Variants in ZNF717 observed in about 807,000 individuals in gnomAD.
The protein encoded by ZNF717 is zinc finger protein 717.
A neutral mutation model predicts 13.8 loss-of-function variants in ZNF717; 9 were observed. That is an observed-to-expected ratio of 0.65 (90% confidence interval 0.39 to 1.14). The LOEUF (loss-of-function observed/expected upper bound fraction) is 1.14. ZNF717 is among the 50% of genes most tolerant of loss of function. The probability of loss-of-function intolerance (pLI) is 0.01; values close to 1 mark genes in which losing one functional copy is unlikely to be tolerated. For missense variants in ZNF717, 1,040 were observed against 1,080.7 expected (o/e 0.96, Z 0.53); for synonymous variants, 327 against 364.1 (o/e 0.90, Z 1.16).
At chr3:75,764,832 A>C (rs80032447) in intron 2 of ZNF717, among the ~76,000 whole-genome samples, 1 of 150,176 alleles carries the variant, frequency 6.7e-6, no homozygotes, top group Non-Finnish European at 1.5e-5. Context: ...AAATAAAATG[A>C]CCATATGATC....
At chr3:75,705,199 G>C (rs1937780079), downstream of ZNF717, among the ~76,000 whole-genome samples, 2 of 152,286 alleles carry the variant, frequency 1.3e-5, no homozygotes, top group Non-Finnish European at 2.9e-5. Flanking sequence ...TGTCACAGCA[G>C]TGTGAAAATG....
intron 5 of ZNF717, among the ~76,000 whole-genome samples, chr3:75,713,312 G>A (rs1283975516): frequency 6.6e-6 from 1 of 151,842 alleles, no homozygotes; most frequent in East Asian, 2.0e-4. Context: ...CACCATGCCT[G>A]GCTAACTTCT....
chr3:75,784,905 A>C (rs930884853), intron 1 of ZNF717: 1 of 152,180 alleles, frequency 6.6e-6, no homozygotes, highest in Non-Finnish European at 1.5e-5. Context: ...CACGGTTAAG[A>C]CTGAAGTACC....
chr3:75,705,292 T>C (rs796500863), downstream of ZNF717, among the ~76,000 whole-genome samples: 14 of 152,296 alleles, frequency 9.2e-5, no homozygotes, highest in Admixed American at 6.5e-4. Context: ...TAATTTGTTT[T>C]ACAGAAGAGA....
chr3:75,716,194 T>G (rs1206683837), intron 5 of ZNF717, among the ~76,000 whole-genome samples: 1 of 151,170 alleles, frequency 6.6e-6, no homozygotes, highest in Non-Finnish European at 1.5e-5. Context: ...TTGGCCAGGA[T>G]GGTCTTGATC....
intron 5 of ZNF717, among the ~76,000 whole-genome samples, chr3:75,713,633 C>T (rs73841542): frequency 6.6e-6 from 1 of 151,934 alleles, no homozygotes; most frequent in East Asian, 1.9e-4. Context: ...TAACTCTAGG[C>T]AAAAGTTAAC....
chr3:75,708,671 G>C (rs1937861628), downstream of ZNF717, among the ~76,000 whole-genome samples: 1 of 152,188 alleles, frequency 6.6e-6, no homozygotes, highest in Non-Finnish European at 1.5e-5. Context: ...ACTACTCTGA[G>C]CTACAGGAGG....
chr3:75,771,477 T>C (rs1327066216), intron 2 of ZNF717, among the ~76,000 whole-genome samples: 3 of 152,212 alleles, frequency 2.0e-5, no homozygotes, highest in African/African-American at 4.8e-5. Context: ...GTGTCAGAAG[T>C]GGGATCTGCC....
In ZNF717 at chr3:75,737,371, G is replaced by T; in HGVS notation, c.2252C>A (p.Thr751Asn). 1.9e-6 allele frequency: 3 copies of T among 1,552,736 alleles called. No homozygotes were observed. Among genetic ancestry groups the T allele is most frequent in the Non-Finnish European group, 2.6e-6 (3 of 1,147,644 alleles). ...QKSVLTVHHR[T>N]HTGEKPYECN... ...TTCATAAGGTTTTTCTCCGGTATGG[G>T]TTCTATGATGTACAGTGAGGACTGA... The change falls in exon 5 of 5, where the codon ACC (threonine) becomes AAC (asparagine). Residue 751 changes from threonine to asparagine, a missense_variant. Around this residue, in one of 3 missense-constraint regions of ZNF717, gnomAD observed 873 missense variants for 832.8 expected, o/e 1.05. Transcript: ENST00000652011.
chr3:75,702,686 TACTC>T (rs1284609265), intron 6 of ZNF717, among the ~76,000 whole-genome samples: 1 of 152,312 alleles, frequency 6.6e-6, no homozygotes, highest in East Asian at 1.9e-4. Context: ...TATTATGTAT[TACTC>T]ATTGCATGCC....
chr3:75,764,957 ACGTC>A (rs1943319428), intron 2 of ZNF717, among the ~76,000 whole-genome samples: 1 of 149,642 alleles, frequency 6.7e-6, no homozygotes, highest in Non-Finnish European at 1.5e-5. Context: ...AGAAACCAAA[ACGTC>A]CATCCAGGAA....
At chr3:75,702,688 C>T (rs1937719716) in intron 6 of ZNF717, among the ~76,000 whole-genome samples, 1 of 152,300 alleles carries the variant, frequency 6.6e-6, no homozygotes, top group Admixed American at 6.5e-5. Flanking sequence ...TTATGTATTA[C>T]TCATTGCATG....
intron 2 of ZNF717, among the ~76,000 whole-genome samples, chr3:75,782,345 A>G (rs1231728529): frequency 6.6e-6 from 1 of 152,242 alleles, no homozygotes; most frequent in East Asian, 1.9e-4. Context: ...GAGTTATTTA[A>G]GGACCTGTGG....
chr3:75,724,339 CAG>C (rs1938233368), intron 4 of ZNF717, among the ~76,000 whole-genome samples: 1 of 152,114 alleles, frequency 6.6e-6, no homozygotes, highest in Admixed American at 6.5e-5. Flanking sequence ...TCTCTGCACA[CAG>C]GGAGGAAAAC....
At chr3:75,699,569 C>G (rs1267424613) in intron 6 of ZNF717, among the ~76,000 whole-genome samples, 1 of 152,286 alleles carries the variant, frequency 6.6e-6, no homozygotes, top group Non-Finnish European at 1.5e-5. Flanking sequence ...TGCCCTCACA[C>G]TTACCATGTG....
intron 2 of ZNF717, among the ~76,000 whole-genome samples, chr3:75,754,045 C>T (rs1172274633): frequency 6.6e-6 from 1 of 152,264 alleles, no homozygotes; most frequent in Non-Finnish European, 1.5e-5. Context: ...CATAGGATTC[C>T]TGAACACTGC....
At chr3:75,756,009 T>C (rs1216742277) in intron 2 of ZNF717, among the ~76,000 whole-genome samples, 2 of 79,296 alleles carry the variant, frequency 2.5e-5, no homozygotes, top group Admixed American at 1.4e-4. Context: ...TTTGTGACCA[T>C]GTTTTTTACA....
intron 4 of ZNF717, among the ~76,000 whole-genome samples, chr3:75,724,574 A>G (rs1284400064): frequency 6.6e-6 from 1 of 152,226 alleles, no homozygotes; most frequent in Non-Finnish European, 1.5e-5. Context: ...CATTTTATCA[A>G]ACAGAATACT....
At chr3:75,721,969 C>T (rs1450387450) in intron 4 of ZNF717, among the ~76,000 whole-genome samples, 8 of 151,822 alleles carry the variant, frequency 5.3e-5, no homozygotes, top group African/African-American at 7.2e-5. Flanking sequence ...AAATATTTGC[C>T]GGGTGCGGTG....
Sources: allele counts gnomAD v4.1 joint callset (sites outside exome capture counted in the v4.1 genomes callset), GRCh38; gene constraint gnomAD v4.1.1; regional missense constraint gnomAD v4.1.1; transcripts MANE v1.5; gene names NCBI Gene and HGNC (gene_info 2026-07-23, HGNC 2026-07-21).